MED13L: variants seen among roughly 807,000 people sequenced by gnomAD.
The protein encoded by MED13L is mediator complex subunit 13L, also known as mediator of RNA polymerase II transcription subunit 13-like.
A neutral mutation model predicts 220.9 loss-of-function variants in MED13L; 7 were observed. The ratio of observed to expected loss-of-function variants is 0.03; its 90% CI spans 0.02 to 0.06. The LOEUF (loss-of-function observed/expected upper bound fraction) is 0.06. Ranked by LOEUF, MED13L falls within the 10% of genes least tolerant of loss-of-function variation. The probability of loss-of-function intolerance (pLI) is 1.00; values close to 1 mark genes in which losing one functional copy is unlikely to be tolerated. For synonymous variants in MED13L, 1,011 were observed against 1,015.2 expected (o/e 1.00, Z 0.08); for missense variants, 1,965 against 2,760.5 (o/e 0.71, Z 6.46).
At chr12:115,966,943 G>A (rs1416318744) in intron 28 of MED13L, among the ~76,000 whole-genome samples, 1 of 151,912 alleles carries the variant, frequency 6.6e-6, no homozygotes, top group Non-Finnish European at 1.5e-5. Context: ...AGGCTGAGGC[G>A]GACAGATCAC....
chr12:115,986,857 G>A (rs996636923), intron 18 of MED13L, among the ~76,000 whole-genome samples: 2 of 152,152 alleles, frequency 1.3e-5, no homozygotes, highest in African/African-American at 4.8e-5. Flanking sequence ...TGAGGATTGG[G>A]AAAATGAGGA....
chr12:116,206,457 C>T (rs1183286311), intron 2 of MED13L, among the ~76,000 whole-genome samples: 2 of 151,986 alleles, frequency 1.3e-5, no homozygotes, highest in Non-Finnish European at 2.9e-5. Flanking sequence ...CAAATGTGAG[C>T]CAGAAGTAAA....
intron 2 of MED13L, among the ~76,000 whole-genome samples, chr12:116,170,038 C>A (rs1219754007): frequency 2.0e-5 from 3 of 152,024 alleles, no homozygotes; most frequent in Admixed American, 1.3e-4. Flanking sequence ...AACAAAAAAT[C>A]GTATCAATGA....
At chr12:116,079,434 C>T (rs183373511) in intron 4 of MED13L, among the ~76,000 whole-genome samples, 397 of 152,240 alleles carry the variant, frequency 2.6e-3, no homozygotes, top group African/African-American at 9.3e-3. Flanking sequence ...CTATATTGCT[C>T]AGGCTGGTCT....
At chr12:116,114,577 GA>G (rs1389376578) in intron 2 of MED13L, among the ~76,000 whole-genome samples, 6 of 151,998 alleles carry the variant, frequency 3.9e-5, no homozygotes, top group Admixed American at 1.3e-4. Context: ...AAGACTGAAC[GA>G]ACGGTAAGGA....
chr12:116,215,361 T>C (rs892213873), intron 2 of MED13L, among the ~76,000 whole-genome samples: 4 of 152,330 alleles, frequency 2.6e-5, no homozygotes, highest in South Asian at 4.1e-4. Flanking sequence ...TCAAAGCCTT[T>C]GTCCACTGTC....
Position 116,111,465 on chromosome 12 carries a change from T to C in MED13L, c.358A>G (p.Thr120Ala), listed in dbSNP as rs1225135386. ...WENGLSYECR[T>A]LLFKAIHNLL... The stretch of plus-strand genomic sequence containing the variant: ...TTGTGGATCGCTTTGAAGAGCAGCG[T>C]CCTACATTCATAGGAAAGGCCATTT... The change falls in exon 3 of 31, where the codon ACG becomes GCG. Residue 120 changes from threonine (T) to alanine (A), a missense_variant. Transcript: ENST00000281928. The C allele has an allele frequency of 6.2e-7, 1 of 1,610,368 alleles. No homozygotes were observed. Among genetic ancestry groups the C allele is most frequent in the South Asian group, 1.1e-5 (1 of 90,762 alleles).
At chr12:115,966,270 G>C (rs757535560) in intron 28 of MED13L, 27 bp from the exon 29 acceptor site, 26 of 1,613,362 alleles carry the variant, frequency 1.6e-5, no homozygotes, top group Non-Finnish European at 2.0e-5. Flanking sequence ...CCAAAAACAT[G>C]ATCAGCATTT....
At chr12:115,961,926 C>T (rs904467103) in intron 30 of MED13L, among the ~76,000 whole-genome samples, 10 of 151,570 alleles carry the variant, frequency 6.6e-5, no homozygotes, top group Non-Finnish European at 1.5e-4. Flanking sequence ...GATCATGCCA[C>T]TGCACTCCAG....
intron 1 of MED13L, among the ~76,000 whole-genome samples, chr12:116,244,177 C>T (rs1387791321): frequency 2.0e-5 from 3 of 152,112 alleles, no homozygotes; most frequent in African/African-American, 4.8e-5. Context: ...TCACTTCCTC[C>T]AATGATAGGG....
chr12:116,205,532 G>GAAAAAAAAAAAAAAAAGGAAAA (rs1882258719), intron 2 of MED13L, among the ~76,000 whole-genome samples: 1 of 94,034 alleles, frequency 1.1e-5, no homozygotes, highest in African/African-American at 4.2e-5. Context: ...CAAAGGAAGA[G>GAAAAAAAAAAAAAAAAGGAAAA]AAAAAAAAAA....
intron 4 of MED13L, among the ~76,000 whole-genome samples, chr12:116,087,727 A>G (rs1871825877): frequency 6.6e-6 from 1 of 152,058 alleles, no homozygotes; most frequent in African/African-American, 2.4e-5. Context: ...ATTTCTCATC[A>G]TCCTACCTCA....
At chr12:116,160,274 G>A (rs1329687492) in intron 2 of MED13L, among the ~76,000 whole-genome samples, 4 of 152,102 alleles carry the variant, frequency 2.6e-5, no homozygotes, top group South Asian at 2.1e-4. Flanking sequence ...ACTAATTCTT[G>A]AGCAATAAGG....
At chr12:116,031,350 CG>C (rs1218076524) in intron 4 of MED13L, among the ~76,000 whole-genome samples, 1 of 151,712 alleles carries the variant, frequency 6.6e-6, no homozygotes, top group African/African-American at 2.4e-5. Flanking sequence ...GAGGCAGAGG[CG>C]GGCGGATCAC....
intron 16 of MED13L, among the ~76,000 whole-genome samples, chr12:115,993,586 G>A (rs1878208068): frequency 6.6e-6 from 1 of 151,528 alleles, no homozygotes; most frequent in Non-Finnish European, 1.5e-5. Flanking sequence ...AACTTGATTG[G>A]CAATCACTGC....
At chr12:116,002,831 T>C (rs895517193) in intron 14 of MED13L, among the ~76,000 whole-genome samples, 172 bp downstream of exon 14, 1 of 152,238 alleles carries the variant, frequency 6.6e-6, no homozygotes, top group Non-Finnish European at 1.5e-5. Context: ...TGTATATGAT[T>C]AGCTGCCTGC....
chr12:116,162,923 C>T (rs1878996087), intron 2 of MED13L, among the ~76,000 whole-genome samples: 2 of 152,038 alleles, frequency 1.3e-5, no homozygotes, highest in African/African-American at 4.8e-5. Context: ...AATAAAGAGA[C>T]AAGGTCTTGT....
intron 2 of MED13L, 99 bp from the exon 3 acceptor site, chr12:116,111,611 G>A (rs1020399076): frequency 5.6e-6 from 5 of 886,402 alleles, no homozygotes; most frequent in African/African-American, 5.1e-5. Context: ...AAGTTCATGA[G>A]TTAATTTAAA....
intron 2 of MED13L, among the ~76,000 whole-genome samples, chr12:116,222,344 T>A (rs1868523022): frequency 6.6e-6 from 1 of 152,218 alleles, no homozygotes; most frequent in Non-Finnish European, 1.5e-5. Context: ...TTTTACTTTC[T>A]ACACTTAATC....
Sources: allele counts gnomAD v4.1 joint callset (sites outside exome capture counted in the v4.1 genomes callset), GRCh38; gene constraint gnomAD v4.1.1; transcripts MANE v1.5; gene names NCBI Gene and HGNC (gene_info 2026-07-23, HGNC 2026-07-21).